PDZD2: variants seen among roughly 807,000 people sequenced by gnomAD.
The protein encoded by PDZD2 is PDZ domain containing 2, also known as PDZ domain-containing protein 2.
Under a neutral mutation model 220.7 loss-of-function variants are expected in PDZD2, and 90 were observed. The observed-to-expected ratio is 0.41, with a 90% CI of 0.34 to 0.49. The LOEUF (loss-of-function observed/expected upper bound fraction) is 0.49, where lower values mean the gene tolerates loss of function less well. PDZD2 is among the 20% of genes least tolerant of loss of function. PDZD2 has a pLI of 0.28. For missense variants in PDZD2, 3,174 were observed against 3,608.5 expected (o/e 0.88, Z 3.08); for synonymous variants, 1,375 against 1,450.5 (o/e 0.95, Z 1.18).
chr5:31,835,342 A>G (rs979043315), intron 2 of PDZD2, among the ~76,000 whole-genome samples: 2 of 152,186 alleles, frequency 1.3e-5, no homozygotes, highest in African/African-American at 4.8e-5. Flanking sequence ...TTTTAGGGCC[A>G]GGAGCAGTGG....
At chr5:31,667,694 T>G (rs1746047821) in intron 1 of PDZD2, among the ~76,000 whole-genome samples, 1 of 151,842 alleles carries the variant, frequency 6.6e-6, no homozygotes, top group Non-Finnish European at 1.5e-5. Flanking sequence ...TCCCCTTCAT[T>G]GCAGCGATCC....
intron 2 of PDZD2, among the ~76,000 whole-genome samples, chr5:31,818,116 C>G (rs1011902884): frequency 6.6e-6 from 1 of 151,862 alleles, no homozygotes. Flanking sequence ...ACTACAGGTG[C>G]GTGTCACAAG....
intron 24 of PDZD2, chr5:32,103,761 C>T (rs1017207109): frequency 8.5e-5 from 13 of 152,250 alleles, no homozygotes; most frequent in African/African-American, 2.9e-4. Flanking sequence ...GCCTGCGAAC[C>T]GAAGGACCAG....
At chr5:31,669,230 C>A (rs1746115994) in intron 1 of PDZD2, among the ~76,000 whole-genome samples, 1 of 151,864 alleles carries the variant, frequency 6.6e-6, no homozygotes, top group African/African-American at 2.4e-5. Context: ...AGCAAGACCA[C>A]CTCTACAAAA....
intron 1 of PDZD2, among the ~76,000 whole-genome samples, chr5:31,745,151 G>A (rs1484337669): frequency 6.6e-6 from 1 of 152,108 alleles, no homozygotes; most frequent in Non-Finnish European, 1.5e-5. Context: ...CTTCTCTCTT[G>A]TGTCTCAGTG....
intron 8 of PDZD2, among the ~76,000 whole-genome samples, chr5:32,050,175 C>T (rs1738388355): frequency 6.6e-6 from 1 of 152,186 alleles, no homozygotes; most frequent in Admixed American, 6.5e-5. Context: ...AAGTGATCCA[C>T]CTGCCTCGGC....
chr5:31,803,508 C>T (rs753056148), intron 2 of PDZD2, among the ~76,000 whole-genome samples: 3 of 151,634 alleles, frequency 2.0e-5, no homozygotes, highest in Non-Finnish European at 4.4e-5. Flanking sequence ...CAGTAGGCTC[C>T]GGACTATATG....
intron 15 of PDZD2, among the ~76,000 whole-genome samples, chr5:32,070,455 A>T (rs1414288094): frequency 6.6e-6 from 1 of 152,224 alleles, no homozygotes; most frequent in African/African-American, 2.4e-5. Context: ...TCATAATCCC[A>T]GCATTTCCAC....
intron 7 of PDZD2, among the ~76,000 whole-genome samples, chr5:32,047,978 G>T (rs1738146494): frequency 6.6e-6 from 1 of 152,182 alleles, no homozygotes; most frequent in Admixed American, 6.5e-5. Flanking sequence ...ATGGTTAGTA[G>T]CACAAAGGGT....
chr5:31,695,106 A>G (rs1747325302), intron 1 of PDZD2, among the ~76,000 whole-genome samples: 1 of 152,084 alleles, frequency 6.6e-6, no homozygotes, highest in South Asian at 2.1e-4. Flanking sequence ...CCTGGGTGAC[A>G]GAGCGAGACT....
intron 2 of PDZD2, among the ~76,000 whole-genome samples, chr5:31,890,526 C>G (rs1391604669): frequency 2.6e-5 from 4 of 152,074 alleles, no homozygotes; most frequent in Non-Finnish European, 1.5e-5. Context: ...TAAAAACAGC[C>G]GAGCCGGGCC....
intron 4 of PDZD2, among the ~76,000 whole-genome samples, chr5:31,997,317 T>C (rs1378578681): frequency 6.6e-6 from 1 of 152,166 alleles, no homozygotes; most frequent in Non-Finnish European, 1.5e-5. Flanking sequence ...GGAGATAGTC[T>C]GAAGAATGGA....
chr5:31,718,182 GT>G (rs998898309), intron 1 of PDZD2, among the ~76,000 whole-genome samples: 2 of 152,228 alleles, frequency 1.3e-5, no homozygotes, highest in African/African-American at 4.8e-5. Flanking sequence ...TGACTTCCCA[GT>G]GGGGTTGGTG....
chr5:31,660,964 C>T (rs1745738773), intron 1 of PDZD2, among the ~76,000 whole-genome samples: 2 of 152,084 alleles, frequency 1.3e-5, no homozygotes, highest in South Asian at 4.1e-4. Flanking sequence ...GAACTCCTGG[C>T]CTCAAATGAT....
chr5:32,077,733 G>A (rs1741438126), intron 19 of PDZD2, 127 bp downstream of exon 19: 2 of 881,002 alleles, frequency 2.3e-6, no homozygotes, highest in African/African-American at 3.3e-5. Context: ...GAGGTGGGCG[G>A]ACCACTTGAG....
chr5:31,716,382 G>A (rs765327673), intron 1 of PDZD2, among the ~76,000 whole-genome samples: 2 of 152,130 alleles, frequency 1.3e-5, no homozygotes, highest in Admixed American at 6.5e-5. Flanking sequence ...AATGCCACAC[G>A]GGGCCACACC....
At chr5:31,887,404 G>GGA (rs1394783514) in intron 2 of PDZD2, among the ~76,000 whole-genome samples, 1 of 152,152 alleles carries the variant, frequency 6.6e-6, no homozygotes, top group Non-Finnish European at 1.5e-5. Context: ...GGGTGTCAGT[G>GGA]GAGAGACCAC....
chr5:32,079,700 A>C (rs1741719969), intron 19 of PDZD2, among the ~76,000 whole-genome samples: 1 of 151,766 alleles, frequency 6.6e-6, no homozygotes, highest in Non-Finnish European at 1.5e-5. Context: ...AATCCCAGCT[A>C]CTTGGGAGGC....
At chr5:32,055,135 T>C (rs71629063) in intron 10 of PDZD2, among the ~76,000 whole-genome samples, 1,999 of 152,350 alleles carry the variant, frequency 0.013, 17 homozygotes, top group Middle Eastern at 0.034. Flanking sequence ...TAAGATTATA[T>C]ACTTTTTATA....
Sources: allele counts gnomAD v4.1 joint callset (sites outside exome capture counted in the v4.1 genomes callset), GRCh38; gene constraint gnomAD v4.1.1; transcripts MANE v1.5; gene names NCBI Gene and HGNC (gene_info 2026-07-23, HGNC 2026-07-21).